The following CHD7 variants were observed in gnomAD, a reference collection of about 807,000 sequenced individuals.
The protein encoded by CHD7 is ATP-dependent chromatin remodeler CHD7.
In CHD7, 24 loss-of-function variants were observed where a neutral mutation model predicts 307.3. The observed-to-expected ratio is 0.08, with a 90% CI of 0.06 to 0.11. The LOEUF (loss-of-function observed/expected upper bound fraction) is 0.11. CHD7 is among the 10% of genes least tolerant of loss of function. The pLI is 1.00. For synonymous variants in CHD7, 1,363 were observed against 1,349.9 expected, an observed-to-expected ratio of 1.01 and a Z score of -0.21; for missense variants, 3,106 against 3,727.1, an observed-to-expected ratio of 0.83 and a Z score of 4.34.
intron 2 of CHD7, among the ~76,000 whole-genome samples, chr8:60,765,759 C>T (rs1305757995): frequency 6.6e-6 from 1 of 152,160 alleles, no homozygotes. Context: ...CAGTGTGGTT[C>T]ACAGGGAATC....
At chr8:60,852,789 G>C in intron 30 of CHD7, 40 bp from the exon 31 acceptor site, 10 of 1,608,778 alleles carry the variant, frequency 6.2e-6, no homozygotes, top group Non-Finnish European at 8.5e-6. Flanking sequence ...GAATGCCCTT[G>C]AATTCTCCCC....
chr8:60,816,860 C>T (rs1272109584), intron 8 of CHD7, among the ~76,000 whole-genome samples: 1 of 152,196 alleles, frequency 6.6e-6, no homozygotes, highest in African/African-American at 2.4e-5. Context: ...TTCTAAGATA[C>T]AAAAGCTTGA....
intron 13 of CHD7, among the ~76,000 whole-genome samples, chr8:60,827,737 T>C (rs1403985577): frequency 6.6e-6 from 1 of 151,902 alleles, no homozygotes; most frequent in Non-Finnish European, 1.5e-5. Context: ...ATTAAGAAAA[T>C]TAGCATGTTC....
At chr8:60,862,149 A>G (rs752517651) in intron 35 of CHD7, 47 bp from the exon 36 acceptor site, 20 of 1,493,304 alleles carry the variant, frequency 1.3e-5, no homozygotes, top group Non-Finnish European at 1.8e-5. Context: ...ATAGAGAAGA[A>G]TAAGTACTAA....
At chr8:60,724,464 A>G (rs1314916000) in intron 1 of CHD7, among the ~76,000 whole-genome samples, 1 of 152,244 alleles carries the variant, frequency 6.6e-6, no homozygotes, top group African/African-American at 2.4e-5. Flanking sequence ...GTTAAAAGCC[A>G]CTTGTGACAG....
intron 2 of CHD7, among the ~76,000 whole-genome samples, chr8:60,745,910 G>A (rs533795138): frequency 6.6e-6 from 1 of 152,186 alleles, no homozygotes; most frequent in Admixed American, 6.5e-5. Flanking sequence ...CGAGTGCCTA[G>A]TATAATGTCC....
At chr8:60,683,789 A>G (rs772187453) in intron 1 of CHD7, among the ~76,000 whole-genome samples, 1 of 152,222 alleles carries the variant, frequency 6.6e-6, no homozygotes, top group Non-Finnish European at 1.5e-5. Flanking sequence ...CTGGAAGAGT[A>G]CAGCTCTTGC....
chr8:60,727,925 A>T (rs1005841267), intron 1 of CHD7, among the ~76,000 whole-genome samples: 2 of 152,206 alleles, frequency 1.3e-5, no homozygotes, highest in Non-Finnish European at 2.9e-5. Flanking sequence ...TACCCAAGCC[A>T]CAGGCCTCGT....
chr8:60,863,589 A>AAT (rs1433074053), intron 37 of CHD7: 2 of 152,256 alleles, frequency 1.3e-5, no homozygotes, highest in East Asian at 3.9e-4. Flanking sequence ...TAGATACTAA[A>AAT]ATATAATTAC....
At chr8:60,736,819 C>T (rs1488864933) in intron 1 of CHD7, among the ~76,000 whole-genome samples, 4 of 152,158 alleles carry the variant, frequency 2.6e-5, no homozygotes, top group African/African-American at 9.7e-5. Flanking sequence ...AAAGGTGTTA[C>T]GTATTCACCT....
intron 12 of CHD7, among the ~76,000 whole-genome samples, chr8:60,822,950 AT>A (rs1804111984): frequency 6.6e-6 from 1 of 152,118 alleles, no homozygotes; most frequent in South Asian, 2.1e-4. Flanking sequence ...GGTTTTTCTG[AT>A]TATTAGATTA....
At chr8:60,837,436 A>T (rs1038209226) in intron 17 of CHD7, among the ~76,000 whole-genome samples, 2 of 152,194 alleles carry the variant, frequency 1.3e-5, no homozygotes, top group African/African-American at 4.8e-5. Flanking sequence ...GTTTATGGAC[A>T]GTTATCATCT....
chr8:60,745,763 C>T (rs1486682244), intron 2 of CHD7, among the ~76,000 whole-genome samples: 2 of 152,172 alleles, frequency 1.3e-5, no homozygotes, highest in East Asian at 3.9e-4. Context: ...ATATGTGGAC[C>T]CCAGCTCTAT....
At chr8:60,787,380 G>A (rs192167506) in intron 3 of CHD7, among the ~76,000 whole-genome samples, 1 of 152,250 alleles carries the variant, frequency 6.6e-6, no homozygotes, top group Non-Finnish European at 1.5e-5. Flanking sequence ...GCGTGAATAA[G>A]AGCGGCATCT....
intron 6 of CHD7, among the ~76,000 whole-genome samples, chr8:60,805,542 G>A (rs1812496807): frequency 6.6e-6 from 1 of 152,170 alleles, no homozygotes; most frequent in Non-Finnish European, 1.5e-5. Flanking sequence ...AGGAATAGCT[G>A]ATCATGACAA....
In CHD7 at chr8:60,713,201, T is replaced by C. The variant is rs543676337; in HGVS notation, c.-174-28058T>C. Among the ~76,000 whole-genome samples the C allele has an allele frequency of 2.6e-5, 4 of 152,110 alleles. No individual in the cohort carries two copies. In the South Asian group the frequency reaches 8.3e-4, roughly 32 times the overall value. On this transcript the variant is annotated intron_variant, in intron 1 of 37. Coordinates refer to ENST00000423902, the MANE Select transcript of CHD7 (RefSeq NM_017780.4). Reference sequence around the variant, plus strand: ...ATCTCCACTCACTGCAACCTCTGCCTCCTGGGTTCAAGCGATTCTCCTGCT... The same window carrying C: ...ATCTCCACTCACTGCAACCTCTGCCCCCTGGGTTCAAGCGATTCTCCTGCT...
intron 1 of CHD7, among the ~76,000 whole-genome samples, chr8:60,691,608 T>C (rs1046277049): frequency 2.0e-5 from 3 of 152,180 alleles, no homozygotes; most frequent in Non-Finnish European, 4.4e-5. Flanking sequence ...GAGGAAATGA[T>C]TGTCTCTGAG....
intron 2 of CHD7, among the ~76,000 whole-genome samples, chr8:60,749,419 C>A: frequency 7.2e-6 from 1 of 138,620 alleles, no homozygotes; most frequent in Admixed American, 7.3e-5. Context: ...CAGACATGGG[C>A]AGAGTAATTG....
intron 2 of CHD7, among the ~76,000 whole-genome samples, chr8:60,753,659 C>T (rs767121024): frequency 2.6e-5 from 4 of 151,448 alleles, no homozygotes; most frequent in East Asian, 3.9e-4. Flanking sequence ...CTTGCTCTGT[C>T]GCCCAGGAGA....
Sources: allele counts gnomAD v4.1 joint callset (sites outside exome capture counted in the v4.1 genomes callset), GRCh38; gene constraint gnomAD v4.1.1; transcripts MANE v1.5; gene names NCBI Gene and HGNC (gene_info 2026-07-23, HGNC 2026-07-21).